Variants in MSMO1 observed in about 807,000 individuals in gnomAD.
MSMO1 encodes the protein methylsterol monooxygenase 1, also known as C-4 methylsterol oxidase.
In MSMO1, 18 loss-of-function variants were observed where a neutral mutation model predicts 30.4. That is an observed-to-expected ratio of 0.59 (90% CI 0.41 to 0.88). MSMO1 has a LOEUF of 0.88. MSMO1 is among the 40% of genes least tolerant of loss of function. The pLI is 0.00. For missense variants in MSMO1, 284 were observed against 340.5 expected, an observed-to-expected ratio of 0.83 and a Z score of 1.31; for synonymous variants, 84 against 107.9, an observed-to-expected ratio of 0.78 and a Z score of 1.37.
intron 1 of MSMO1, among the ~76,000 whole-genome samples, chr4:165,328,946 A>G (rs1747311324): frequency 6.6e-6 from 1 of 152,196 alleles, no homozygotes; most frequent in Non-Finnish European, 1.5e-5. Flanking sequence ...AGGAGCACAT[A>G]CTGAACCTTT....
intron 4 of MSMO1, among the ~76,000 whole-genome samples, chr4:165,339,789 A>G (rs901604119): frequency 6.6e-6 from 1 of 152,176 alleles, no homozygotes; most frequent in Admixed American, 6.5e-5. Flanking sequence ...ATATGCAGAG[A>G]GAGATTTATT....
intron 2 of MSMO1, among the ~76,000 whole-genome samples, chr4:165,335,319 A>G (rs1019168817): frequency 2.0e-5 from 3 of 152,170 alleles, no homozygotes; most frequent in African/African-American, 4.8e-5. Context: ...CAGGGGTCAG[A>G]TGACTGTGGA....
At chr4:165,336,111 G>C (rs1286626899) in intron 2 of MSMO1, among the ~76,000 whole-genome samples, 2 of 152,002 alleles carry the variant, frequency 1.3e-5, no homozygotes, top group Non-Finnish European at 2.9e-5. Flanking sequence ...TGATGAAATA[G>C]TACTAAAGAC....
chr4:165,343,042 C>T lies in MSMO1; in HGVS notation c.*1096C>T, dbSNP rs1729801585. ...TGACTTGCTGTATTTGCACTTTGAGCTCTTGAAATAAATGTGATTTTTGTG... is the reference window on the plus strand; with the variant it reads ...TGACTTGCTGTATTTGCACTTTGAGTTCTTGAAATAAATGTGATTTTTGTG... On this transcript the variant is annotated 3_prime_UTR_variant, in exon 6 of 6. Coordinates refer to ENST00000261507, the MANE Select transcript of MSMO1 (RefSeq NM_006745.5). 1 of 152,590 alleles carries T rather than the reference C, an allele frequency of 6.6e-6. No individual in the cohort carries two copies. The highest frequency in any genetic ancestry group is 6.5e-5 in the Admixed American group (1 of 15,270). The allele number at this position is 152,590 out of a possible 1,614,324, so 9.5% of individuals were successfully genotyped here. A position where few individuals can be genotyped will look rare whatever the true frequency, so the allele number is the denominator to read the frequency against.
intron 1 of MSMO1, among the ~76,000 whole-genome samples, chr4:165,332,042 C>G (rs535490736): frequency 6.6e-5 from 10 of 150,738 alleles, no homozygotes; most frequent in Admixed American, 4.6e-4. Context: ...TCTTCCATAA[C>G]ACTCTCCCCT....
intron 1 of MSMO1, among the ~76,000 whole-genome samples, chr4:165,332,265 T>C (rs1747418335): frequency 6.6e-6 from 1 of 152,246 alleles, no homozygotes; most frequent in Non-Finnish European, 1.5e-5. Context: ...CATACTGTTC[T>C]GTAACTTGTT....
At chr4:165,334,006 C>T (rs182335727) in intron 2 of MSMO1, among the ~76,000 whole-genome samples, 14 of 152,200 alleles carry the variant, frequency 9.2e-5, no homozygotes, top group African/African-American at 3.4e-4. Context: ...TGATGTAAGT[C>T]CTAGCTACTT....
chr4:165,334,021 G>A (rs544393491), intron 2 of MSMO1, among the ~76,000 whole-genome samples: 22 of 152,110 alleles, frequency 1.4e-4, no homozygotes, highest in Non-Finnish European at 2.9e-4. Flanking sequence ...CTACTTATGA[G>A]GCTGAAGCAG....
intron 1 of MSMO1, among the ~76,000 whole-genome samples, chr4:165,332,046 C>G (rs556822631): frequency 6.7e-6 from 1 of 150,218 alleles, no homozygotes; most frequent in Non-Finnish European, 1.5e-5. Flanking sequence ...CCATAACACT[C>G]TCCCCTACCC....
intron 4 of MSMO1, among the ~76,000 whole-genome samples, chr4:165,339,689 T>G (rs1428313341): frequency 2.0e-5 from 3 of 152,180 alleles, no homozygotes; most frequent in African/African-American, 7.2e-5. Flanking sequence ...TCACTACATA[T>G]AGAATCAATA....
chr4:165,329,212 G>A (rs907135014), intron 1 of MSMO1, among the ~76,000 whole-genome samples: 2 of 152,072 alleles, frequency 1.3e-5, no homozygotes, highest in African/African-American at 4.8e-5. Flanking sequence ...TTGAGTCTTT[G>A]GAGTTGCTGT....
rs760048191 is a variant in MSMO1 at position 165,341,795 on chromosome 4, A to C, written c.731A>C (p.Tyr244Ser). The C allele has an allele frequency of 1.2e-6, 2 of 1,613,572 alleles. No homozygotes were observed. The highest frequency in any genetic ancestry group is 1.7e-6 in the Non-Finnish European group (2 of 1,179,582). ...PLNPLNLIPF[Y>S]AGSRHHDFHH... Reference sequence around the variant, plus strand: ...AACCCTTTAAATCTGATCCCTTTCTATGCTGGTTCTCGGCATCATGATTTC... The same window carrying C: ...AACCCTTTAAATCTGATCCCTTTCTCTGCTGGTTCTCGGCATCATGATTTC... The change falls in exon 6 of 6, where the codon TAT becomes TCT. Residue 244 changes from tyrosine (Y) to serine (S), a missense_variant. Physicochemically the swap from Tyr to Ser is moderately radical, Grantham distance 144. Coordinates refer to ENST00000261507, the MANE Select transcript of MSMO1 (RefSeq NM_006745.5).
rs1059210 is a variant in MSMO1 at position 165,342,188 on chromosome 4, A to G, written c.*242A>G. On this transcript the variant is annotated 3_prime_UTR_variant, in exon 6 of 6. Transcript: ENST00000261507. ...AGTTTTCATGAGGAAGTTTTAAAAG[A>G]CCATGTTCCTAAGCTTCCAAGAAGG... 0.049 allele frequency: 18,804 copies of G among 384,084 alleles called. 2,796 individuals carry two copies. Among genetic ancestry groups the G allele is most frequent in the African/African-American group, 0.33 (15,876 of 48,114 alleles). The allele number at this position is 384,084 out of a possible 1,614,324, so 23.8% of individuals were successfully genotyped here. A position where few individuals can be genotyped will look rare whatever the true frequency, so the allele number is the denominator to read the frequency against.
intron 1 of MSMO1, among the ~76,000 whole-genome samples, chr4:165,331,955 C>A (rs562861036): frequency 3.4e-5 from 5 of 148,544 alleles, no homozygotes; most frequent in South Asian, 2.1e-4. Flanking sequence ...GTAACACTCT[C>A]CCCTACCCCG....
rs1242722759 is a variant in MSMO1 at position 165,337,002 on chromosome 4, AGAGTTTTG to A, written c.256-786_256-779del. Among the ~76,000 whole-genome samples the A allele has an allele frequency of 5.0e-4, 76 of 152,338 alleles. 1 individual carries two copies. Among genetic ancestry groups the A allele is most frequent in the African/African-American group, 1.8e-3 (74 of 41,582 alleles). Reference sequence around the variant, plus strand: ...CTTTGGATATCGTGGTTCAATTAAAAGAGTTTTGTTGGCGGATACCTGAATTTTTCAGC... The same window carrying A: ...CTTTGGATATCGTGGTTCAATTAAAATTGGCGGATACCTGAATTTTTCAGC... On this transcript the variant is annotated intron_variant, in intron 2 of 5. Coordinates refer to ENST00000261507, the MANE Select transcript of MSMO1 (RefSeq NM_006745.5).
intron 2 of MSMO1, among the ~76,000 whole-genome samples, chr4:165,335,845 T>C (rs548335390): frequency 6.6e-6 from 1 of 152,202 alleles, no homozygotes; most frequent in Admixed American, 6.5e-5. Flanking sequence ...ACCATTAAAG[T>C]CCATGCTTTG....
intron 1 of MSMO1, among the ~76,000 whole-genome samples, chr4:165,328,801 G>C (rs1747308089): frequency 6.6e-6 from 1 of 152,184 alleles, no homozygotes; most frequent in Non-Finnish European, 1.5e-5. Context: ...GTAAATTCCT[G>C]AATGTTAACT....
chr4:165,338,877 C>T, intron 4 of MSMO1, 99 bp downstream of exon 4: 1 of 998,506 alleles, frequency 1.0e-6, no homozygotes, highest in Non-Finnish European at 1.5e-6. Context: ...TTTTTATTTT[C>T]TTTTCCTTTG....
intron 2 of MSMO1, among the ~76,000 whole-genome samples, chr4:165,335,045 G>A (rs1467993321): frequency 6.6e-6 from 1 of 152,148 alleles, no homozygotes; most frequent in African/African-American, 2.4e-5. Flanking sequence ...TATAAGTGCT[G>A]TAGAGATGAT....
Sources: allele counts gnomAD v4.1 joint callset (sites outside exome capture counted in the v4.1 genomes callset), GRCh38; gene constraint gnomAD v4.1.1; transcripts MANE v1.5; gene names NCBI Gene and HGNC (gene_info 2026-07-23, HGNC 2026-07-21).